AHCTF1: variants seen among roughly 807,000 people sequenced by gnomAD.
AHCTF1 encodes the protein protein ELYS.
In AHCTF1, 24 loss-of-function variants were observed where a neutral mutation model predicts 248.4. The observed-to-expected ratio is 0.10, with a 90% CI of 0.07 to 0.14. The LOEUF (loss-of-function observed/expected upper bound fraction) is 0.14, where lower values mean the gene tolerates loss of function less well. Ranked by LOEUF, AHCTF1 falls within the 10% of genes least tolerant of loss-of-function variation. The pLI is 1.00. For synonymous variants in AHCTF1, 786 were observed against 929.8 expected (o/e 0.85, Z 2.81); for missense variants, 2,206 against 2,636.2 (o/e 0.84, Z 3.57).
chr1:246,924,578 C>G (rs1666802364), intron 1 of AHCTF1, among the ~76,000 whole-genome samples: 1 of 152,032 alleles, frequency 6.6e-6, no homozygotes, highest in Non-Finnish European at 1.5e-5. Context: ...TCTTTCTTGT[C>G]ATTCTTATTC....
chr1:246,891,695 T>G (rs1414027467), intron 15 of AHCTF1, 84 bp downstream of exon 15: 2 of 1,456,240 alleles, frequency 1.4e-6, no homozygotes, highest in Non-Finnish European at 1.9e-6. Flanking sequence ...ATGATCCATC[T>G]AAGACATGGG....
intron 8 of AHCTF1, among the ~76,000 whole-genome samples, chr1:246,901,660 A>G (rs1665009039): frequency 6.6e-6 from 1 of 152,096 alleles, no homozygotes; most frequent in Non-Finnish European, 1.5e-5. Context: ...ACTACAAAAA[A>G]TACAAAAATT....
chr1:246,876,902 G>A, intron 23 of AHCTF1, 48 bp downstream of exon 23: 2 of 1,595,112 alleles, frequency 1.3e-6, no homozygotes, highest in Non-Finnish European at 1.7e-6. Flanking sequence ...AAAGCCTCCA[G>A]TTTTCCTTAT....
Position 246,900,175 on chromosome 1 carries a change from G to A in AHCTF1, c.1322C>T (p.Ser441Phe), listed in dbSNP as rs1664895025. Reference protein sequence around the residue: ...WSLESVVSRTSPHGILDILVH... With the variant: ...WSLESVVSRTFPHGILDILVH... The stretch of plus-strand genomic sequence containing the variant: ...TAATATATCCAAGATGCCATGTGGA[G>A]AAGTCCTACTTACAACAGACTCCAA... Residue 441 changes from serine to phenylalanine, a missense_variant, in exon 10 of 36, where the codon TCT becomes TTT. This residue lies in a region of AHCTF1 where 650 missense variants were observed against 870.8 expected (regional missense o/e 0.75). Transcript: ENST00000648844. 1 of 1,610,788 alleles carries A rather than the reference G, an allele frequency of 6.2e-7. No homozygotes were observed. The highest frequency in any genetic ancestry group is 8.5e-7 in the Non-Finnish European group (1 of 1,179,114).
rs577351838 is a variant in AHCTF1, at chr1:246,855,882, C to G, written c.4257-55G>C. ...TGTAAGAAGATCCCATCTGCTTTAACCTGCTTTAGTCCTACCACCTAACCT... is the reference window on the plus strand; with the variant it reads ...TGTAAGAAGATCCCATCTGCTTTAAGCTGCTTTAGTCCTACCACCTAACCT... On this transcript the variant is annotated intron_variant, in intron 30 of 35. Coordinates refer to ENST00000648844, the MANE Select transcript of AHCTF1 (RefSeq NM_001323342.2). The G allele has an allele frequency of 2.9e-6, 4 of 1,369,100 alleles. 1 individual carries two copies. In the South Asian group the frequency reaches 3.7e-5, roughly 13 times the overall value. 84.8% of individuals were successfully genotyped at this position (1,369,100 alleles called of 1,614,324 possible).
intron 3 of AHCTF1, among the ~76,000 whole-genome samples, chr1:246,913,890 C>T (rs182826139): frequency 6.6e-6 from 1 of 152,196 alleles, no homozygotes; most frequent in Non-Finnish European, 1.5e-5. Flanking sequence ...AGAGTAAAAA[C>T]TAATCATTCC....
chr1:246,886,675 A>G (rs1663840768), intron 20 of AHCTF1, among the ~76,000 whole-genome samples: 2 of 152,144 alleles, frequency 1.3e-5, no homozygotes, highest in Admixed American at 1.3e-4. Context: ...ATGGTATACA[A>G]GAGGATGTGC....
intron 30 of AHCTF1, 131 bp from the exon 31 acceptor site, chr1:246,855,958 C>G (rs1661085439): frequency 1.9e-6 from 1 of 527,254 alleles, no homozygotes; most frequent in Non-Finnish European, 3.3e-6. Context: ...ACAACTCAAG[C>G]TCATTCTGAA....
chr1:246,853,323 T>C, intron 31 of AHCTF1, 24 bp from the exon 32 acceptor site: 1 of 1,583,392 alleles, frequency 6.3e-7, no homozygotes, highest in Non-Finnish European at 8.6e-7. Flanking sequence ...GAGTGAATTT[T>C]TTACATTTAA....
intron 33 of AHCTF1, among the ~76,000 whole-genome samples, chr1:246,848,411 C>T (rs796835506): frequency 2.0e-5 from 3 of 151,722 alleles, no homozygotes; most frequent in African/African-American, 7.2e-5. Flanking sequence ...TAGTGTTAGC[C>T]AGGATGGTCT....
chr1:246,867,819 A>G lies in AHCTF1; in HGVS notation c.3089-8T>C. The G allele has an allele frequency of 6.2e-7, 1 of 1,603,946 alleles. No homozygotes were observed. The highest frequency in any genetic ancestry group is 1.3e-5 in the African/African-American group (1 of 74,244). ...ATGGTTTGGGTCTAGAAACTGTAAAATGAAGAACGCTGGAATTAAGTGCAT... is the reference window on the plus strand; with the variant it reads ...ATGGTTTGGGTCTAGAAACTGTAAAGTGAAGAACGCTGGAATTAAGTGCAT... On this transcript the variant is annotated splice_polypyrimidine_tract_variant and splice_region_variant and intron_variant, in intron 24 of 35. Coordinates refer to ENST00000648844, the MANE Select transcript of AHCTF1 (RefSeq NM_001323342.2).
At chr1:246,878,396 CAAAAAAAAAAA>C (rs1199465751) in intron 21 of AHCTF1, among the ~76,000 whole-genome samples, 46 of 30,784 alleles carry the variant, frequency 1.5e-3, no homozygotes, top group South Asian at 4.3e-3. Flanking sequence ...GATTCTGTCT[CAAAAAAAAAAA>C]AAAAAAAAAA....
At chr1:246,922,090 T>C (rs1380322395) in intron 1 of AHCTF1, among the ~76,000 whole-genome samples, 3 of 152,214 alleles carry the variant, frequency 2.0e-5, no homozygotes, top group African/African-American at 7.2e-5. Context: ...CTGGGCACAG[T>C]GGCTCACGCC....
rs190964992 is a variant in AHCTF1, at chr1:246,927,864, G to A, written c.-8+3714C>T. Reference sequence around the variant, plus strand: ...CTAAAAATACAAAAATTAGCTGGGCGCGGTAGCGCGCTGTAGTCCCAGCTA... The same window carrying A: ...CTAAAAATACAAAAATTAGCTGGGCACGGTAGCGCGCTGTAGTCCCAGCTA... On this transcript the variant is annotated intron_variant, in intron 1 of 35. Transcript: ENST00000648844. 5.8e-3 allele frequency among the ~76,000 whole-genome samples: 825 copies of A among 141,094 alleles called. 2 individuals carry two copies. Among genetic ancestry groups the A allele is most frequent in the African/African-American group, 0.02 (763 of 38,436 alleles). 92.6% of individuals were successfully genotyped at this position (141,094 alleles called of 152,430 possible).
intron 33 of AHCTF1, 48 bp downstream of exon 33, chr1:246,849,567 T>C: frequency 6.5e-7 from 1 of 1,542,708 alleles, no homozygotes; most frequent in Non-Finnish European, 8.7e-7. Flanking sequence ...AATTTTAAGC[T>C]GAAGAGTGAC....
At position 246,899,530 on chromosome 1, in the gene AHCTF1, A is replaced by G; in HGVS notation, c.1433-18T>C. 6.3e-7 allele frequency: 1 copy of G among 1,594,666 alleles called. No homozygotes were observed. On this transcript the variant is annotated intron_variant, in intron 10 of 35. Transcript: ENST00000648844. Reference sequence around the variant, plus strand: ...AGTGGCATCTAAAAAAAAGATTTAAAAAATAATCCACTTACATATATTTAA... The same window carrying G: ...AGTGGCATCTAAAAAAAAGATTTAAGAAATAATCCACTTACATATATTTAA...
chr1:246,872,528 C>A (rs551516154), intron 24 of AHCTF1, among the ~76,000 whole-genome samples: 1 of 152,292 alleles, frequency 6.6e-6, no homozygotes, highest in African/African-American at 2.4e-5. Context: ...CCTTCATTTA[C>A]AAAGTTACTT....
intron 3 of AHCTF1, among the ~76,000 whole-genome samples, chr1:246,914,184 TATTA>T (rs972714939): frequency 1.3e-5 from 2 of 152,254 alleles, no homozygotes; most frequent in Non-Finnish European, 2.9e-5. Context: ...TTCAGTTTCC[TATTA>T]ATTCATAAAA....
At chr1:246,912,744 A>T (rs954554526) in intron 4 of AHCTF1, among the ~76,000 whole-genome samples, 1 of 152,186 alleles carries the variant, frequency 6.6e-6, no homozygotes, top group African/African-American at 2.4e-5. Context: ...TTAGGATGTT[A>T]TTTTGTGAGA....
Sources: gnomAD v4.1 joint callset for allele counts (sites outside exome capture counted in the v4.1 genomes callset) on GRCh38, gnomAD v4.1.1 for gene constraint, gnomAD v4.1.1 regional missense constraint, MANE v1.5 for transcripts, NCBI Gene and HGNC (gene_info 2026-07-23, HGNC 2026-07-21) for gene names.